The following AFG2A variants were observed in gnomAD, a reference collection of about 807,000 sequenced individuals.
The protein encoded by AFG2A is ATPase family gene 2 protein homolog A.
At chr4:123,066,851 T>C in the AFG2A span, among the ~76,000 whole-genome samples, 55 of 152,304 alleles carry the variant, frequency 3.6e-4, no homozygotes, top group Non-Finnish European at 6.8e-4. Context: ...AGAGACGAAA[T>C]GGAAAATGTG....
chr4:123,122,205 A>G, the AFG2A span, among the ~76,000 whole-genome samples: 2,274 of 152,310 alleles, frequency 0.015, 18 homozygotes, highest in African/African-American at 0.022. Context: ...GTTCTGAGAT[A>G]CTTAAATTTA....
the AFG2A span, among the ~76,000 whole-genome samples, chr4:122,957,507 AT>A: frequency 6.6e-6 from 1 of 152,230 alleles, no homozygotes; most frequent in Non-Finnish European, 1.5e-5. Flanking sequence ...CTTATCGAAC[AT>A]AACAGCAGCA....
the AFG2A span, among the ~76,000 whole-genome samples, chr4:123,007,370 C>T: frequency 6.6e-6 from 1 of 151,466 alleles, no homozygotes; most frequent in East Asian, 2.0e-4. Context: ...TTTTTAGGTG[C>T]TTTTCTTTGG....
At chr4:123,202,988 A>C in the AFG2A span, among the ~76,000 whole-genome samples, 1 of 151,194 alleles carries the variant, frequency 6.6e-6, no homozygotes, top group African/African-American at 2.4e-5. Flanking sequence ...GTACTGCTGC[A>C]CTCCAACCTG....
chr4:122,964,994 G>A, the AFG2A span, among the ~76,000 whole-genome samples: 2 of 152,058 alleles, frequency 1.3e-5, no homozygotes, highest in African/African-American at 4.8e-5. Flanking sequence ...GATATTTTGA[G>A]GAAAGTACAT....
chr4:123,220,538 CG>C, the AFG2A span, among the ~76,000 whole-genome samples: 1 of 137,838 alleles, frequency 7.3e-6, no homozygotes. Flanking sequence ...TGCTAGAACC[CG>C]GGAGGCAGGG....
chr4:123,305,797 C>A, the AFG2A span, among the ~76,000 whole-genome samples: 75 of 152,274 alleles, frequency 4.9e-4, no homozygotes, highest in East Asian at 0.014. Context: ...TGTTTAAACT[C>A]TTCTTGTCTC....
chr4:123,243,921 C>CTGAG, the AFG2A span, among the ~76,000 whole-genome samples: 1 of 152,002 alleles, frequency 6.6e-6, no homozygotes, highest in African/African-American at 2.4e-5. Context: ...ATTCGGGAGG[C>CTGAG]TGAGGTGGGA....
the AFG2A span, among the ~76,000 whole-genome samples, chr4:123,043,339 CCTTA>C: frequency 6.6e-6 from 1 of 152,052 alleles, no homozygotes; most frequent in East Asian, 1.9e-4. Flanking sequence ...GATGTAGTTT[CCTTA>C]CTTGGATTTC....
chr4:123,208,616 T>C, the AFG2A span, among the ~76,000 whole-genome samples: 1 of 152,146 alleles, frequency 6.6e-6, no homozygotes, highest in East Asian at 1.9e-4. Context: ...ATCTAAGAAG[T>C]TTTGTCAAAC....
chr4:123,194,899 T>C, the AFG2A span, among the ~76,000 whole-genome samples: 48 of 152,306 alleles, frequency 3.2e-4, no homozygotes, highest in Non-Finnish European at 5.7e-4. Flanking sequence ...CCAATTTTCT[T>C]TCAGGATATC....
chr4:123,319,100 C>T, the AFG2A span: 2 of 152,134 alleles, frequency 1.3e-5, no homozygotes, highest in African/African-American at 4.8e-5. Flanking sequence ...CCTAACTTAT[C>T]TCGATAAATA....
the AFG2A span, among the ~76,000 whole-genome samples, chr4:123,226,962 T>C: frequency 6.6e-6 from 1 of 152,256 alleles, no homozygotes; most frequent in African/African-American, 2.4e-5. Flanking sequence ...TCGAGGAATG[T>C]ACCCATTTCT....
the AFG2A span, among the ~76,000 whole-genome samples, chr4:123,149,058 G>A: frequency 0.072 from 10,926 of 151,912 alleles, 1,267 homozygotes; most frequent in African/African-American, 0.25. Context: ...CGTGAGCCAC[G>A]GCGCCTGGCA....
the AFG2A span, among the ~76,000 whole-genome samples, chr4:123,196,651 T>C: frequency 1.3e-5 from 2 of 152,210 alleles, no homozygotes; most frequent in East Asian, 3.8e-4. Flanking sequence ...TTGCATTTGT[T>C]GATCAGATGC....
chr4:123,119,543 T>C, the AFG2A span, among the ~76,000 whole-genome samples: 1 of 152,160 alleles, frequency 6.6e-6, no homozygotes. Flanking sequence ...ACAGTGTGGG[T>C]CCATCTTTTT....
the AFG2A span, among the ~76,000 whole-genome samples, chr4:123,237,672 C>CAAAA: frequency 7.5e-3 from 500 of 66,594 alleles, 13 homozygotes; most frequent in African/African-American, 0.027. Context: ...AACCTTGTCT[C>CAAAA]AAAAAAAAAA....
At chr4:123,070,260 T>C in the AFG2A span, among the ~76,000 whole-genome samples, 2 of 152,104 alleles carry the variant, frequency 1.3e-5, no homozygotes, top group African/African-American at 2.4e-5. Flanking sequence ...AATTAATATT[T>C]AATTAATTTT....
chr4:123,194,789 A>T, the AFG2A span, among the ~76,000 whole-genome samples: 1 of 152,208 alleles, frequency 6.6e-6, no homozygotes, highest in Admixed American at 6.5e-5. Context: ...AATGGCAAAA[A>T]CAGTTTCTAG....
Sources: allele counts gnomAD v4.1 joint callset (sites outside exome capture counted in the v4.1 genomes callset), GRCh38; gene constraint gnomAD v4.1.1; transcripts MANE v1.5; gene names NCBI Gene and HGNC (gene_info 2026-07-23, HGNC 2026-07-21).